Variants in PTPRD observed in about 807,000 individuals in gnomAD.
PTPRD encodes receptor-type tyrosine-protein phosphatase delta.
PTPRD carries 34 observed loss-of-function variants against 214.5 expected under a neutral mutation model. The observed-to-expected ratio is 0.16, with a 90% CI of 0.12 to 0.21. The LOEUF is 0.21. Ranked by LOEUF, PTPRD falls within the 10% of genes least tolerant of loss-of-function variation. The pLI is 1.00. For synonymous variants in PTPRD, 1,128 were observed against 845.7 expected (o/e 1.33, Z -5.79); for missense variants, 2,545 against 2,398.7 (o/e 1.06, Z -1.27).
chr9:9,069,657 C>G (rs1458080814), intron 10 of PTPRD, among the ~76,000 whole-genome samples: 1 of 152,156 alleles, frequency 6.6e-6, no homozygotes, highest in African/African-American at 2.4e-5. Flanking sequence ...CTTGTAGTGA[C>G]CAGTGTCGTG....
At chr9:10,323,984 T>C (rs1308966301) in intron 3 of PTPRD, among the ~76,000 whole-genome samples, 3 of 152,074 alleles carry the variant, frequency 2.0e-5, no homozygotes, top group African/African-American at 7.2e-5. Flanking sequence ...AAATTAAAAA[T>C]AAATTGGATA....
At chr9:10,356,917 G>T (rs1190357048) in intron 2 of PTPRD, among the ~76,000 whole-genome samples, 1 of 151,960 alleles carries the variant, frequency 6.6e-6, no homozygotes, top group Admixed American at 6.6e-5. Flanking sequence ...CTGACCTCAG[G>T]TGATCCACCC....
In PTPRD at chr9:10,518,985, T is replaced by C. The variant is rs148514038; in HGVS notation, c.-600+93413A>G. ...TTTTCTGGGTAGATTATTTTTTTAA[T>C]GGTCAGAAGAAACCTGCACTCTTAT... is the stretch of plus-strand genomic sequence containing the variant. On this transcript the variant is annotated intron_variant, in intron 2 of 45. Coordinates refer to ENST00000381196, the MANE Select transcript of PTPRD (RefSeq NM_002839.4). Among the ~76,000 whole-genome samples, 47 of 152,120 alleles carry C rather than the reference T, an allele frequency of 3.1e-4. No homozygotes were observed. The East Asian group carries it at 9.1e-3, about 29-fold the overall frequency.
chr9:8,874,789 T>C (rs1029100129), intron 11 of PTPRD, among the ~76,000 whole-genome samples: 2 of 152,226 alleles, frequency 1.3e-5, no homozygotes, highest in African/African-American at 2.4e-5. Flanking sequence ...GTGCAGAGCA[T>C]GGCAAATCAC....
At chr9:8,528,228 C>A (rs931439034) in intron 15 of PTPRD, 2 of 425,030 alleles carry the variant, frequency 4.7e-6, no homozygotes, top group Non-Finnish European at 8.2e-6. Context: ...TGAATGAAGT[C>A]CAATGTTGAA....
At chr9:9,629,320 G>C (rs987164008) in intron 7 of PTPRD, among the ~76,000 whole-genome samples, 5 of 147,926 alleles carry the variant, frequency 3.4e-5, no homozygotes, top group Middle Eastern at 7.3e-3. Flanking sequence ...TATTTATTTA[G>C]TTACTTAACT....
intron 2 of PTPRD, among the ~76,000 whole-genome samples, chr9:10,449,777 G>C (rs535806467): frequency 2.0e-5 from 3 of 150,568 alleles, no homozygotes; most frequent in African/African-American, 4.9e-5. Context: ...CCATGATGAC[G>C]ATGGCGGTTT....
chr9:9,496,724 A>C (rs1363535450), intron 8 of PTPRD, among the ~76,000 whole-genome samples: 2 of 152,214 alleles, frequency 1.3e-5, no homozygotes, highest in South Asian at 4.1e-4. Flanking sequence ...TAGAATTACC[A>C]TATGATATAG....
chr9:8,415,521 G>C (rs1226448283), intron 35 of PTPRD, among the ~76,000 whole-genome samples: 2 of 151,866 alleles, frequency 1.3e-5, no homozygotes, highest in African/African-American at 2.4e-5. Context: ...ATGTAATTAT[G>C]TCATAATTTC....
intron 8 of PTPRD, among the ~76,000 whole-genome samples, chr9:9,425,285 G>C (rs1105505): frequency 0.55 from 82,564 of 150,954 alleles, 23,235 homozygotes; most frequent in Middle Eastern, 0.68. Context: ...GTTCCATGAC[G>C]TTCAGAATCA....
At chr9:8,940,474 A>ATTTTTTTTT (rs1467461986) in intron 11 of PTPRD, among the ~76,000 whole-genome samples, 305 of 125,288 alleles carry the variant, frequency 2.4e-3, no homozygotes, top group East Asian at 3.6e-3. Flanking sequence ...GGTATTTTTA[A>ATTTTTTTTT]TAGAGACAGG....
intron 5 of PTPRD, among the ~76,000 whole-genome samples, chr9:9,927,842 T>G (rs2084895903): frequency 6.6e-6 from 1 of 152,094 alleles, no homozygotes; most frequent in South Asian, 2.1e-4. Flanking sequence ...TTCATGTCAT[T>G]TGCATTTTCT....
intron 2 of PTPRD, among the ~76,000 whole-genome samples, chr9:10,466,893 G>C (rs2098998328): frequency 6.6e-6 from 1 of 152,134 alleles, no homozygotes; most frequent in East Asian, 1.9e-4. Context: ...TTTCAGACTG[G>C]ACTACAAAAC....
intron 3 of PTPRD, among the ~76,000 whole-genome samples, chr9:10,165,375 A>G (rs1239278000): frequency 6.6e-6 from 1 of 151,828 alleles, no homozygotes; most frequent in African/African-American, 2.4e-5. Flanking sequence ...AGAATCACCA[A>G]AACTTGTTAA....
At chr9:10,151,961 G>A (rs935096114) in intron 3 of PTPRD, among the ~76,000 whole-genome samples, 3 of 152,156 alleles carry the variant, frequency 2.0e-5, no homozygotes, top group Non-Finnish European at 4.4e-5. Flanking sequence ...TATTTAGGCT[G>A]TTTTCAATTT....
chr9:10,356,706 A>C (rs2097285319), intron 2 of PTPRD, among the ~76,000 whole-genome samples: 2 of 151,484 alleles, frequency 1.3e-5, no homozygotes, highest in South Asian at 4.2e-4. Context: ...TTTGAGACAG[A>C]GTCTCACTCT....
chr9:9,212,828 T>A (rs1276931546), intron 9 of PTPRD, among the ~76,000 whole-genome samples: 1 of 152,114 alleles, frequency 6.6e-6, no homozygotes, highest in Admixed American at 6.6e-5. Flanking sequence ...TATTTTGCAA[T>A]GTGTGAGGTG....
At chr9:9,558,963 G>C (rs1205323979) in intron 8 of PTPRD, among the ~76,000 whole-genome samples, 1 of 152,178 alleles carries the variant, frequency 6.6e-6, no homozygotes, top group Non-Finnish European at 1.5e-5. Context: ...TAAGGGACTT[G>C]TACTCAGTGT....
At chr9:8,331,232 T>TTATCAGTGCATTGC (rs1265092314) in intron 44 of PTPRD, among the ~76,000 whole-genome samples, 1 of 150,416 alleles carries the variant, frequency 6.6e-6, no homozygotes, top group Non-Finnish European at 1.5e-5. Context: ...AGAAAGACAG[T>TTATCAGTGCATTGC]TATCAGTGCA....
Sources: allele counts gnomAD v4.1 joint callset (sites outside exome capture counted in the v4.1 genomes callset), GRCh38; gene constraint gnomAD v4.1.1; transcripts MANE v1.5; gene names NCBI Gene and HGNC (gene_info 2026-07-23, HGNC 2026-07-21).